Variants in PRKG1 observed in about 807,000 individuals in gnomAD.
PRKG1 encodes cGMP-dependent protein kinase 1.
In PRKG1, 35 loss-of-function variants were observed where a neutral mutation model predicts 88.1. That is an observed-to-expected ratio of 0.40 (90% CI 0.30 to 0.53). The LOEUF is 0.53. PRKG1 is among the 20% of genes least tolerant of loss of function. The pLI is 0.59. For synonymous variants in PRKG1, 303 were observed against 292.5 expected (o/e 1.04, Z -0.37); for missense variants, 540 against 839.8 (o/e 0.64, Z 4.41).
chr10:51,689,264 C>CTATA (rs1233128983), intron 3 of PRKG1, among the ~76,000 whole-genome samples: 4 of 151,566 alleles, frequency 2.6e-5, no homozygotes, highest in African/African-American at 9.7e-5. Context: ...ATCTATCTAT[C>CTATA]TATCTATATT....
At chr10:51,772,328 G>C (rs1838324585) in intron 3 of PRKG1, among the ~76,000 whole-genome samples, 1 of 152,002 alleles carries the variant, frequency 6.6e-6, no homozygotes, top group South Asian at 2.1e-4. Context: ...ATTCATTACA[G>C]TTTTTATTTT....
At chr10:51,484,537 A>G (rs906431344) in intron 3 of PRKG1, among the ~76,000 whole-genome samples, 2 of 152,130 alleles carry the variant, frequency 1.3e-5, no homozygotes, top group African/African-American at 4.8e-5. Flanking sequence ...TCGGCCTCCC[A>G]AAGTGCTGGG....
At chr10:51,965,734 G>GA (rs529038480) in intron 5 of PRKG1, among the ~76,000 whole-genome samples, 2 of 152,054 alleles carry the variant, frequency 1.3e-5, no homozygotes, top group Non-Finnish European at 2.9e-5. Flanking sequence ...ATTCCAATAT[G>GA]AAAAAAATTA....
chr10:52,047,969 A>C (rs1214669944), intron 5 of PRKG1, among the ~76,000 whole-genome samples: 1 of 152,138 alleles, frequency 6.6e-6, no homozygotes, highest in African/African-American at 2.4e-5. Context: ...AACATTTATT[A>C]GTCATGCTTT....
intron 3 of PRKG1, among the ~76,000 whole-genome samples, chr10:51,515,150 C>A (rs1012306828): frequency 1.3e-5 from 2 of 152,040 alleles, no homozygotes; most frequent in East Asian, 3.8e-4. Context: ...TAGGTTTATA[C>A]TCAATTATAT....
chr10:52,220,259 A>C (rs1265386429), intron 9 of PRKG1, among the ~76,000 whole-genome samples: 1 of 152,108 alleles, frequency 6.6e-6, no homozygotes, highest in East Asian at 1.9e-4. Flanking sequence ...CCCTATCATG[A>C]AGACACTTAG....
At chr10:52,260,071 G>T (rs1483547051) in intron 10 of PRKG1, among the ~76,000 whole-genome samples, 1 of 151,734 alleles carries the variant, frequency 6.6e-6, no homozygotes, top group Non-Finnish European at 1.5e-5. Context: ...TGGTTGGCAG[G>T]TTCTCCTCTA....
At chr10:51,057,146 A>G (rs1843635428) in intron 1 of PRKG1, among the ~76,000 whole-genome samples, 1 of 152,256 alleles carries the variant, frequency 6.6e-6, no homozygotes, top group African/African-American at 2.4e-5. Context: ...GCACACATAT[A>G]TATTGTGTGT....
intron 3 of PRKG1, among the ~76,000 whole-genome samples, chr10:51,620,558 T>C (rs1352112521): frequency 3.3e-5 from 5 of 151,558 alleles, no homozygotes; most frequent in Non-Finnish European, 5.9e-5. Context: ...TTTCAGGCCA[T>C]TGTTAAACAT....
intron 4 of PRKG1, among the ~76,000 whole-genome samples, chr10:51,888,041 C>T (rs1841617159): frequency 6.6e-6 from 1 of 151,974 alleles, no homozygotes; most frequent in South Asian, 2.1e-4. Flanking sequence ...TTTCTTACTG[C>T]AAAGCAAACA....
intron 5 of PRKG1, among the ~76,000 whole-genome samples, chr10:51,988,573 A>G (rs1460242136): frequency 6.6e-6 from 1 of 152,062 alleles, no homozygotes; most frequent in Non-Finnish European, 1.5e-5. Flanking sequence ...TTGAGGTATC[A>G]TTGTTTAAAT....
chr10:52,058,107 T>C (rs1015020842), intron 6 of PRKG1, among the ~76,000 whole-genome samples: 1 of 152,022 alleles, frequency 6.6e-6, no homozygotes, highest in East Asian at 1.9e-4. Flanking sequence ...AAATCGGCAT[T>C]ATTCAGTTCA....
intron 2 of PRKG1, among the ~76,000 whole-genome samples, chr10:51,227,614 G>A (rs1027088342): frequency 8.5e-5 from 13 of 152,282 alleles, no homozygotes; most frequent in African/African-American, 2.6e-4. Flanking sequence ...CCAAATGCCT[G>A]GTGTACAGCT....
chr10:51,508,059 C>T (rs144350695), intron 3 of PRKG1, among the ~76,000 whole-genome samples: 111 of 152,100 alleles, frequency 7.3e-4, no homozygotes, highest in Middle Eastern at 3.4e-3. Context: ...AGATTCAAGT[C>T]CTAGCTTTGT....
chr10:51,758,048 T>C (rs554482730), intron 3 of PRKG1, among the ~76,000 whole-genome samples: 2 of 152,292 alleles, frequency 1.3e-5, no homozygotes, highest in African/African-American at 4.8e-5. Flanking sequence ...GTCTATAAAT[T>C]CAAAGTAAAG....
chr10:51,330,012 A>T (rs1240092596), intron 2 of PRKG1, among the ~76,000 whole-genome samples: 1 of 149,398 alleles, frequency 6.7e-6, no homozygotes, highest in African/African-American at 2.5e-5. Context: ...CAGATTGAGA[A>T]AGTTTTCTGC....
chr10:51,486,318 T>C (rs1223415909), intron 3 of PRKG1, among the ~76,000 whole-genome samples: 3 of 152,134 alleles, frequency 2.0e-5, no homozygotes, highest in Non-Finnish European at 4.4e-5. Context: ...AGATTCATCA[T>C]ATAAGTTGTA....
chr10:51,950,384 G>A (rs1843153830), intron 5 of PRKG1, among the ~76,000 whole-genome samples: 1 of 152,192 alleles, frequency 6.6e-6, no homozygotes, highest in South Asian at 2.1e-4. Flanking sequence ...AAAATTACAA[G>A]TTTTCAATTA....
At chr10:51,358,936 G>T (rs926534911) in intron 2 of PRKG1, among the ~76,000 whole-genome samples, 1 of 38,200 alleles carries the variant, frequency 2.6e-5, no homozygotes, top group Non-Finnish European at 6.0e-5. Flanking sequence ...TTATTTATTG[G>T]GGGGGGGGGT....
Sources: gnomAD v4.1 joint callset for allele counts (sites outside exome capture counted in the v4.1 genomes callset) on GRCh38, gnomAD v4.1.1 for gene constraint, MANE v1.5 for transcripts, NCBI Gene and HGNC (gene_info 2026-07-23, HGNC 2026-07-21) for gene names.